GRID2IP: variants seen among roughly 807,000 people sequenced by gnomAD.
GRID2IP encodes Grid2 interacting protein, also known as delphilin.
Under a neutral mutation model 114.3 loss-of-function variants are expected in GRID2IP, and 78 were observed. The ratio of observed to expected loss-of-function variants is 0.68; its 90% CI spans 0.57 to 0.82. The LOEUF is 0.82. Ranked by LOEUF, GRID2IP falls within the 40% of genes least tolerant of loss-of-function variation. The pLI, the probability that GRID2IP is intolerant of heterozygous loss-of-function variation, is 0.00. For synonymous variants in GRID2IP, 809 were observed against 724.0 expected (o/e 1.12, Z -1.89); for missense variants, 1,727 against 1,678.5 (o/e 1.03, Z -0.51).
In GRID2IP at chr7:6,521,117, C is replaced by T. The variant is rs60461447; in HGVS notation, c.1084+312G>A. 1.4e-3 allele frequency among the ~76,000 whole-genome samples: 212 copies of T among 152,248 alleles called. 1 individual carries two copies. Among genetic ancestry groups the T allele is most frequent in the African/African-American group, 4.8e-3 (201 of 41,556 alleles). ...TCCCAAGTAGCTGGGACTACAGGCA[C>T]GTGCCATCACGCCCAGCTAGTTTTT... On this transcript the variant is annotated intron_variant, in intron 6 of 21. Transcript: ENST00000457091. This position sits in a 1 kb window ranked among gnomAD's most constrained non-coding sequence, Gnocchi z 4.1.
At position 6,508,197 on chromosome 7, in the gene GRID2IP, G is replaced by A. The variant is rs1054856471; in HGVS notation, c.2332C>T (p.Arg778Trp). The A allele has an allele frequency of 4.6e-6, 7 of 1,516,000 alleles. No individual in the cohort carries two copies. Among genetic ancestry groups the A allele is most frequent in the South Asian group, 2.6e-5 (2 of 77,652 alleles). 93.9% of individuals were successfully genotyped at this position (1,516,000 alleles called of 1,614,324 possible). A position where few individuals can be genotyped will look rare whatever the true frequency, so the allele number is the denominator to read the frequency against. ...KPSSRSSDGS[R>W]GPAQALAKPL... ...TTGGCCAGCGCCTGAGCAGGGCCCCGGGAACCATCAGAGCTGCGGGAGCTG... is the reference window on the plus strand; with the variant it reads ...TTGGCCAGCGCCTGAGCAGGGCCCCAGGAACCATCAGAGCTGCGGGAGCTG... Residue 778 changes from arginine (R) to tryptophan (W), a missense_variant, in exon 13 of 22, where the codon CGG (arginine) becomes TGG (tryptophan). Coordinates refer to ENST00000457091, the MANE Select transcript of GRID2IP (RefSeq NM_001145118.2). The surrounding 1 kb of genome is among the most constrained non-coding windows in gnomAD (Gnocchi z 5.6).
In GRID2IP at chr7:6,551,221, G is replaced by A. The variant is rs1415422897; in HGVS notation, c.216C>T (p.Cys72=). 1.3e-6 allele frequency: 2 copies of A among 1,518,086 alleles called. No homozygotes were observed. The highest frequency in any genetic ancestry group is 2.5e-5 in the East Asian group (1 of 39,362). The allele number at this position is 1,518,086 out of a possible 1,614,324, so 94.0% of individuals were successfully genotyped here. A position where few individuals can be genotyped will look rare whatever the true frequency, so the allele number is the denominator to read the frequency against. ...CGCCCAGACTGGGCGGCACACGTGG[G>A]CAGCGCCGTGCCAGGCGCACGAGGC... ...RERLVRLARR[C]PRVPPSLGVL... Residue 72 remains cysteine (C), a synonymous_variant, in exon 1 of 22, where the codon TGC becomes TGT. Coordinates refer to ENST00000457091, the MANE Select transcript of GRID2IP (RefSeq NM_001145118.2).
rs921969567 is a variant in GRID2IP, at chr7:6,551,184, G to C, written c.253C>G (p.Pro85Ala). ...GATCCTGGGCCGGGGCCACCGTCGG[G>C]AGCCGGGAGCACGCCCAGACTGGGC... is the stretch of plus-strand genomic sequence containing the variant. ...VPPSLGVLPAPDGGPGPGSGP... is the reference protein window; with the variant it reads ...VPPSLGVLPAADGGPGPGSGP... Residue 85 changes from proline to alanine, a missense_variant, in exon 1 of 22, where the codon CCC becomes GCC. Physicochemically the swap from Pro to Ala is conservative, Grantham distance 27. Transcript: ENST00000457091. The C allele has an allele frequency of 2.9e-6, 4 of 1,389,892 alleles. No homozygotes were observed. The African/African-American group carries it at 4.6e-5, about 16-fold the overall frequency. 86.1% of individuals were successfully genotyped at this position (1,389,892 alleles called of 1,614,324 possible). A position where few individuals can be genotyped will look rare whatever the true frequency, so the allele number is the denominator to read the frequency against.
intron 18 of GRID2IP, among the ~76,000 whole-genome samples, chr7:6,502,433 C>T (rs886302990): frequency 2.0e-5 from 3 of 152,142 alleles, no homozygotes; most frequent in African/African-American, 7.2e-5. Context: ...CCAGGCTAGT[C>T]TCCAACTCCT....
rs1176660724 is a variant in GRID2IP, at chr7:6,503,654, G to A, written c.2744C>T (p.Ala915Val). Residue 915 changes from alanine (A) to valine (V), a missense_variant, in exon 16 of 22, where the codon GCG (alanine) becomes GTG (valine). Coordinates refer to ENST00000457091, the MANE Select transcript of GRID2IP (RefSeq NM_001145118.2). Reference sequence around the variant, plus strand: ...GCTCATCAGCACCTGGCGCAGCTCCGCGGGGCTCAGCTTCAGGTGTGCCAA... The same window carrying A: ...GCTCATCAGCACCTGGCGCAGCTCCACGGGGCTCAGCTTCAGGTGTGCCAA... ...ILLAHLKLSPAELRQVLMSME... is the reference protein window; with the variant it reads ...ILLAHLKLSPVELRQVLMSME... 9 of 1,515,534 alleles carry A rather than the reference G, an allele frequency of 5.9e-6. No individual in the cohort carries two copies. In the African/African-American group the frequency reaches 1.3e-4, roughly 22 times the overall value. The allele number at this position is 1,515,534 out of a possible 1,614,324, so 93.9% of individuals were successfully genotyped here.
In GRID2IP at chr7:6,532,537, G is replaced by A. The variant is rs185776682; in HGVS notation, c.585-5768C>T. 3.4e-4 allele frequency among the ~76,000 whole-genome samples: 51 copies of A among 152,230 alleles called. No homozygotes were observed. Among genetic ancestry groups the A allele is most frequent in the African/African-American group, 1.2e-3 (49 of 41,516 alleles). ...CCATCACTTTGCTGTGACCCCCCGT[G>A]GCTGTACTTCTTCCTGGAAGCAGCC... On this transcript the variant is annotated intron_variant, in intron 2 of 21. Coordinates refer to ENST00000457091, the MANE Select transcript of GRID2IP (RefSeq NM_001145118.2). This position sits in a 1 kb window ranked among gnomAD's most constrained non-coding sequence, Gnocchi z 4.4.
Position 6,526,905 on chromosome 7 carries a change from G to T in GRID2IP, c.585-136C>A. On this transcript the variant is annotated intron_variant, in intron 2 of 21. Transcript: ENST00000457091. This position sits in a 1 kb window ranked among gnomAD's most constrained non-coding sequence, Gnocchi z 7.6. Reference sequence around the variant, plus strand: ...CCTAGGAGTGGCGGAGGGCTGGGGGGATCGGGATGAGCAGCCGGTAGCACC... The same window carrying T: ...CCTAGGAGTGGCGGAGGGCTGGGGGTATCGGGATGAGCAGCCGGTAGCACC... 2 of 1,034,808 alleles carry T rather than the reference G, an allele frequency of 1.9e-6. No individual in the cohort carries two copies. Among genetic ancestry groups the T allele is most frequent in the Non-Finnish European group, 2.6e-6 (2 of 773,548 alleles). The allele number at this position is 1,034,808 out of a possible 1,614,324, so 64.1% of individuals were successfully genotyped here. A position where few individuals can be genotyped will look rare whatever the true frequency, so the allele number is the denominator to read the frequency against.
rs1323669121 is a variant in GRID2IP, at chr7:6,516,991, G to A, written c.1269-2462C>T. On this transcript the variant is annotated intron_variant, in intron 7 of 21. Transcript: ENST00000457091. This position sits in a 1 kb window ranked among gnomAD's most constrained non-coding sequence, Gnocchi z 4.3. ...ATTCGGGGCCACTACTGGTCTCCGC[G>A]TCTTGGTGGTAGTGGTCCCCCGGGC... Among the ~76,000 whole-genome samples the A allele has an allele frequency of 2.6e-5, 4 of 151,548 alleles. No individual in the cohort carries two copies. Among genetic ancestry groups the A allele is most frequent in the Admixed American group, 6.6e-5 (1 of 15,194 alleles).
In GRID2IP at chr7:6,528,503, T is replaced by C. The variant is rs747561145; in HGVS notation, c.585-1734A>G. Among the ~76,000 whole-genome samples the C allele has an allele frequency of 1.8e-4, 27 of 152,188 alleles. No individual in the cohort carries two copies. The highest frequency in any genetic ancestry group is 9.2e-4 in the Admixed American group (14 of 15,274). The stretch of plus-strand genomic sequence containing the variant: ...CTAACAAGAGCCCCTGAAGGTCTGG[T>C]TGCCTGTGAGGTCTCCCTGGCTGCA... On this transcript the variant is annotated intron_variant, in intron 2 of 21. Transcript: ENST00000457091. This position sits in a 1 kb window ranked among gnomAD's most constrained non-coding sequence, Gnocchi z 6.0.
chr7:6,514,384 C>T lies in GRID2IP; in HGVS notation c.1414G>A (p.Ala472Thr), dbSNP rs1248978647. ...GGGAGAGGACGCTTACCTGTCATGGCCGTGTAGCCCAGGAAGCATGCGATT... is the reference window on the plus strand; with the variant it reads ...GGGAGAGGACGCTTACCTGTCATGGTCGTGTAGCCCAGGAAGCATGCGATT... ...EKIACFLGYT[A>T]MTAEPEPELD... is the part of the protein sequence containing the mutation. Residue 472 changes from alanine to threonine, a missense_variant, in exon 8 of 22, where the codon GCC becomes ACC. Ala to Thr is a moderately conservative substitution (Grantham distance 58). Transcript: ENST00000457091. 2.0e-6 allele frequency: 3 copies of T among 1,520,990 alleles called. No homozygotes were observed. The highest frequency in any genetic ancestry group is 1.2e-5 in the South Asian group (1 of 81,138). 94.2% of individuals were successfully genotyped at this position (1,520,990 alleles called of 1,614,324 possible).
At chr7:6,542,571 T>A (rs946456532) in intron 1 of GRID2IP, among the ~76,000 whole-genome samples, 2 of 151,992 alleles carry the variant, frequency 1.3e-5, no homozygotes, top group Non-Finnish European at 2.9e-5. Flanking sequence ...AGTGAGAGGA[T>A]CACTTGAGCT....
At position 6,508,815 on chromosome 7, in the gene GRID2IP, G is replaced by A. The variant is rs1038494112; in HGVS notation, c.2127+143C>T. The A allele has an allele frequency of 7.6e-7, 1 of 1,312,424 alleles. No homozygotes were observed. Among genetic ancestry groups the A allele is most frequent in the Non-Finnish European group, 1.0e-6 (1 of 985,270 alleles). The allele number at this position is 1,312,424 out of a possible 1,614,324, so 81.3% of individuals were successfully genotyped here. ...TAGGGTAACCTGGGGCAAGGGGTGG[G>A]ATAGCTTGAGCTAGGGAGTGGGATA... On this transcript the variant is annotated intron_variant, in intron 12 of 21. Transcript: ENST00000457091. The surrounding 1 kb of genome is among the most constrained non-coding windows in gnomAD (Gnocchi z 5.6).
chr7:6,550,976 TCCC>T (rs2115106162), intron 1 of GRID2IP, 29 bp downstream of exon 1: 90 of 1,015,448 alleles, frequency 8.9e-5, no homozygotes, highest in Non-Finnish European at 9.3e-5. Flanking sequence ...GCCCCCTCCT[TCCC>T]GCCCCCACCT....
chr7:6,546,973 A>G (rs1562526706), intron 1 of GRID2IP, among the ~76,000 whole-genome samples: 2 of 152,280 alleles, frequency 1.3e-5, no homozygotes, highest in South Asian at 4.1e-4. Context: ...TTTCCTGGAC[A>G]CACATTAGAC....
At position 6,498,169 on chromosome 7, in the gene GRID2IP, G is replaced by A. The variant is rs1786311718; in HGVS notation, c.3459C>T (p.Ala1153=). ...LRALDGLQRE[A]MEELGKALAF... is the part of the protein sequence containing the mutation. ...CCAGCGCCTTGCCCAGCTCCTCCATGGCCTCGCGCTGCAGCCCGTCGAGCG... is the reference window on the plus strand; with the variant it reads ...CCAGCGCCTTGCCCAGCTCCTCCATAGCCTCGCGCTGCAGCCCGTCGAGCG... Residue 1153 remains alanine (A), a synonymous_variant, in exon 21 of 22, where the codon GCC becomes GCT. Transcript: ENST00000457091. 3 of 1,551,232 alleles carry A rather than the reference G, an allele frequency of 1.9e-6. No homozygotes were observed. Among genetic ancestry groups the A allele is most frequent in the Admixed American group, 2.0e-5 (1 of 50,942 alleles).
chr7:6,523,903 T>C lies in GRID2IP; in HGVS notation c.920-1946A>G, dbSNP rs1779458445. Among the ~76,000 whole-genome samples the C allele has an allele frequency of 6.6e-6, 1 of 152,196 alleles. No homozygotes were observed. On this transcript the variant is annotated intron_variant, in intron 4 of 21. Transcript: ENST00000457091. The surrounding 1 kb of genome is among the most constrained non-coding windows in gnomAD (Gnocchi z 4.5). ...AGAGACTGGGAGATGGAGATGGTGG[T>C]GGTGGCATGGTTGGAACAGCCACAT...
chr7:6,523,375 C>T lies in GRID2IP; in HGVS notation c.920-1418G>A, dbSNP rs953469553. Among the ~76,000 whole-genome samples, 6 of 151,916 alleles carry T rather than the reference C, an allele frequency of 3.9e-5. No individual in the cohort carries two copies. Among genetic ancestry groups the T allele is most frequent in the Admixed American group, 6.6e-5 (1 of 15,232 alleles). ...ATGGTGGGACAGCTAGAGAGGTTGT[C>T]GCAGGGGATCAAAGAGCACTGGGCC... On this transcript the variant is annotated intron_variant, in intron 4 of 21. Transcript: ENST00000457091. This position sits in a 1 kb window ranked among gnomAD's most constrained non-coding sequence, Gnocchi z 4.5.
chr7:6,497,880 T>C, intron 21 of GRID2IP, 35 bp from the exon 22 acceptor site: 1 of 1,528,358 alleles, frequency 6.5e-7, no homozygotes, highest in Non-Finnish European at 8.9e-7. Flanking sequence ...GGGTGGTCAG[T>C]GGTCCCAGGA....
chr7:6,511,529 T>TAA (rs1489423492), intron 8 of GRID2IP, among the ~76,000 whole-genome samples: 15 of 151,590 alleles, frequency 9.9e-5, no homozygotes, highest in African/African-American at 3.6e-4. Context: ...TCCGTCACCA[T>TAA]GCCTGGCTAA....
Sources: gnomAD v4.1 joint callset for allele counts (sites outside exome capture counted in the v4.1 genomes callset) on GRCh38, gnomAD v4.1.1 for gene constraint, Gnocchi (gnomAD v3.1) non-coding constraint, MANE v1.5 for transcripts, NCBI Gene and HGNC (gene_info 2026-07-23, HGNC 2026-07-21) for gene names.